Variants in DBT observed in about 807,000 individuals in gnomAD.
The protein encoded by DBT is lipoamide acyltransferase component of branched-chain alpha-keto acid dehydrogenase complex, mitochondrial.
In DBT, 40 loss-of-function variants were observed where a neutral mutation model predicts 51.3. The observed-to-expected ratio is 0.78, with a 90% CI of 0.61 to 1.02. DBT has a LOEUF of 1.02. Ranked by LOEUF, DBT falls within the 50% of genes least tolerant of loss-of-function variation. The probability of loss-of-function intolerance (pLI) is 0.00; values close to 1 mark genes in which losing one functional copy is unlikely to be tolerated. For synonymous variants in DBT, 181 were observed against 190.4 expected (o/e 0.95, Z 0.41); for missense variants, 510 against 580.2 (o/e 0.88, Z 1.24).
At chr1:100,220,281 AT>A (rs1662774786) in intron 4 of DBT, among the ~76,000 whole-genome samples, 1 of 147,226 alleles carries the variant, frequency 6.8e-6, no homozygotes, top group African/African-American at 2.5e-5. Context: ...AAAAAAAAAA[AT>A]GTTTTTGAGA....
Position 100,236,084 on chromosome 1 carries a change from C to T in DBT, c.176-573G>A, listed in dbSNP as rs139038741. On this transcript the variant is annotated intron_variant, in intron 2 of 10. Transcript: ENST00000370132. ...TTTCTACCCCTTTTCAAATTTCTAC[C>T]CATCCCTCCTTTTTTTTTTTGGAGA... Among the ~76,000 whole-genome samples, 973 of 151,950 alleles carry T rather than the reference C, an allele frequency of 6.4e-3. 8 individuals are homozygous for T. The highest frequency in any genetic ancestry group is 0.022 in the African/African-American group (910 of 41,450).
chr1:100,208,910 CAAAAAA>C (rs11369687), intron 8 of DBT, among the ~76,000 whole-genome samples: 81 of 109,432 alleles, frequency 7.4e-4, no homozygotes, highest in Middle Eastern at 4.5e-3. Flanking sequence ...GACTCTGTAT[CAAAAAA>C]AAAAAAAAAA....
chr1:100,246,017 ACTTTGGGAGACTGAGG>A (rs1405874368), intron 1 of DBT, among the ~76,000 whole-genome samples: 1 of 152,158 alleles, frequency 6.6e-6, no homozygotes, highest in Non-Finnish European at 1.5e-5. Context: ...TAATCCCAGC[ACTTTGGGAGACTGAGG>A]CAGGTGGATC....
chr1:100,210,665 T>A (rs1224255502), intron 8 of DBT, 29 bp downstream of exon 8: 1 of 1,612,622 alleles, frequency 6.2e-7, no homozygotes, highest in East Asian at 2.2e-5. Context: ...CTATTAATAA[T>A]AAGAACATTT....
At chr1:100,240,739 G>A (rs538282679) in intron 2 of DBT, 22 bp downstream of exon 2, 4 of 1,567,052 alleles carry the variant, frequency 2.6e-6, no homozygotes, top group East Asian at 2.2e-5. Flanking sequence ...TTTTATACAC[G>A]TTATTTTGAA....
At chr1:100,213,087 A>G (rs1016376315) in intron 7 of DBT, among the ~76,000 whole-genome samples, 8 of 152,248 alleles carry the variant, frequency 5.3e-5, no homozygotes, top group African/African-American at 1.9e-4. Flanking sequence ...TCCACCTGTT[A>G]GCTGTAAGTC....
At position 100,243,377 on chromosome 1, in the gene DBT, C is replaced by T. The variant is rs182619907; in HGVS notation, c.52-2493G>A. On this transcript the variant is annotated intron_variant, in intron 1 of 10. Coordinates refer to ENST00000370132, the MANE Select transcript of DBT (RefSeq NM_001918.5). Reference sequence around the variant, plus strand: ...TCACCCAGGCTGGAGTGCAGTGGCACGATCTCAGCTTACTGCAACCTCCGC... The same window carrying T: ...TCACCCAGGCTGGAGTGCAGTGGCATGATCTCAGCTTACTGCAACCTCCGC... Among the ~76,000 whole-genome samples, 735 of 150,750 alleles carry T rather than the reference C, an allele frequency of 4.9e-3. 6 individuals are homozygous for T. The highest frequency in any genetic ancestry group is 0.018 in the African/African-American group (721 of 41,020).
At chr1:100,213,367 A>AT (rs1459073961) in intron 7 of DBT, 2 of 1,541,916 alleles carry the variant, frequency 1.3e-6, no homozygotes, top group African/African-American at 2.7e-5. Flanking sequence ...ACTACGCGTG[A>AT]GGCCCGCACG....
At chr1:100,208,500 A>G (rs189099797) in intron 8 of DBT, among the ~76,000 whole-genome samples, 10 of 152,360 alleles carry the variant, frequency 6.6e-5, no homozygotes, top group Admixed American at 1.3e-4. Context: ...CACACTGTTT[A>G]TAAGTTTGAG....
At chr1:100,198,105 A>T (rs1275434719) in intron 10 of DBT, among the ~76,000 whole-genome samples, 1 of 152,246 alleles carries the variant, frequency 6.6e-6, no homozygotes, top group Non-Finnish European at 1.5e-5. Flanking sequence ...AAAATGGAAA[A>T]ATCCAAATAT....
At chr1:100,219,169 T>C (rs1433186849) in intron 4 of DBT, among the ~76,000 whole-genome samples, 3 of 151,960 alleles carry the variant, frequency 2.0e-5, no homozygotes, top group South Asian at 2.1e-4. Flanking sequence ...TGAGGCAACA[T>C]AGGGAGACCC....
intron 4 of DBT, among the ~76,000 whole-genome samples, chr1:100,220,841 A>G (rs1662811973): frequency 6.6e-6 from 1 of 152,334 alleles, no homozygotes; most frequent in East Asian, 1.9e-4. Context: ...TAGCTAGAAT[A>G]CAACTCCTAT....
At chr1:100,215,513 A>T (rs909436421) in intron 6 of DBT, among the ~76,000 whole-genome samples, 3 of 152,222 alleles carry the variant, frequency 2.0e-5, no homozygotes, top group African/African-American at 7.2e-5. Context: ...TGGAAAAGCT[A>T]TGCTATTTCA....
At chr1:100,244,525 TA>T (rs1664421847) in intron 1 of DBT, among the ~76,000 whole-genome samples, 1 of 152,064 alleles carries the variant, frequency 6.6e-6, no homozygotes, top group East Asian at 1.9e-4. Context: ...AGGATTTTTT[TA>T]AAAAAATAAC....
rs116767333 is a variant in DBT at position 100,205,957 on chromosome 1, T to C, written c.1281+273A>G. Among the ~76,000 whole-genome samples, 4,018 of 151,098 alleles carry C rather than the reference T, an allele frequency of 0.027. 71 individuals are homozygous for C. The highest frequency in any genetic ancestry group is 0.044 in the Non-Finnish European group (2,965 of 67,908). On this transcript the variant is annotated intron_variant, in intron 10 of 10. Transcript: ENST00000370132. ...TCTGGGGCTAGGGGAGGAATATCAC[T>C]AGAAGAAATACCTAATGTAGATGAC...
chr1:100,211,183 TA>T, intron 7 of DBT: 1 of 765,910 alleles, frequency 1.3e-6, no homozygotes. Context: ...AAAGAACACG[TA>T]ACGAGGATTT....
chr1:100,221,777 C>T (rs1161883021), intron 4 of DBT, among the ~76,000 whole-genome samples: 3 of 151,930 alleles, frequency 2.0e-5, no homozygotes, highest in Non-Finnish European at 4.4e-5. Flanking sequence ...GGTAATTCCT[C>T]GTAGAAAGCA....
intron 10 of DBT, among the ~76,000 whole-genome samples, chr1:100,201,547 C>T (rs913126944): frequency 1.4e-4 from 21 of 152,266 alleles, no homozygotes; most frequent in Admixed American, 1.3e-3. Context: ...TCAGGAAATA[C>T]AGAAAACACC....
chr1:100,203,577 G>A (rs183109248), intron 10 of DBT, among the ~76,000 whole-genome samples: 5 of 152,262 alleles, frequency 3.3e-5, no homozygotes, highest in African/African-American at 1.2e-4. Context: ...AGAAAAAAAG[G>A]GAATCCTCCC....
Sources: allele counts gnomAD v4.1 joint callset (sites outside exome capture counted in the v4.1 genomes callset), GRCh38; gene constraint gnomAD v4.1.1; transcripts MANE v1.5; gene names NCBI Gene and HGNC (gene_info 2026-07-23, HGNC 2026-07-21).